CNTNAP2: variants seen among roughly 807,000 people sequenced by gnomAD.
CNTNAP2 encodes the protein contactin associated protein 2.
In CNTNAP2, 98 loss-of-function variants were observed where a neutral mutation model predicts 155.2. The ratio of observed to expected loss-of-function variants is 0.63; its 90% confidence interval spans 0.54 to 0.75. The LOEUF is 0.75. Ranked by LOEUF, CNTNAP2 falls within the 30% of genes least tolerant of loss-of-function variation. The probability of loss-of-function intolerance (pLI) is 0.00; values close to 1 mark genes in which losing one functional copy is unlikely to be tolerated. For missense variants in CNTNAP2, 1,727 were observed against 1,688.1 expected, an observed-to-expected ratio of 1.02 and a Z score of -0.40; for synonymous variants, 651 against 631.2, an observed-to-expected ratio of 1.03 and a Z score of -0.47.
chr7:148,078,333 C>T (rs967010158), intron 15 of CNTNAP2, among the ~76,000 whole-genome samples: 4 of 53,622 alleles, frequency 7.5e-5, no homozygotes, highest in Non-Finnish European at 1.0e-4. Flanking sequence ...CAAAGTTCTG[C>T]GATTACAGGC....
At chr7:148,234,263 T>A (rs190331094) in intron 20 of CNTNAP2, among the ~76,000 whole-genome samples, 6 of 152,308 alleles carry the variant, frequency 3.9e-5, no homozygotes, top group Admixed American at 1.3e-4. Context: ...GTACACAGGC[T>A]CTTAACCTTG....
At chr7:147,851,223 T>TA (rs1798933016) in intron 13 of CNTNAP2, among the ~76,000 whole-genome samples, 2 of 152,022 alleles carry the variant, frequency 1.3e-5, no homozygotes, top group Non-Finnish European at 1.5e-5. Context: ...CACAATGAGA[T>TA]ACCATCTCAC....
chr7:147,368,693 T>C (rs1308457238), intron 9 of CNTNAP2, among the ~76,000 whole-genome samples: 2 of 152,230 alleles, frequency 1.3e-5, no homozygotes, highest in Non-Finnish European at 2.9e-5. Flanking sequence ...AGGGCATGCA[T>C]GTATCAAGGG....
intron 13 of CNTNAP2, among the ~76,000 whole-genome samples, chr7:147,871,145 C>T (rs534452786): frequency 9.9e-5 from 15 of 152,216 alleles, no homozygotes; most frequent in African/African-American, 3.4e-4. Context: ...GTACATTTCA[C>T]TCATTTAATG....
At chr7:146,746,563 G>GA (rs1241746690) in intron 1 of CNTNAP2, among the ~76,000 whole-genome samples, 1 of 152,072 alleles carries the variant, frequency 6.6e-6, no homozygotes, top group East Asian at 1.9e-4. Context: ...TGGAAAATAT[G>GA]AAAATGAGTC....
intron 21 of CNTNAP2, among the ~76,000 whole-genome samples, chr7:148,296,672 T>C (rs1797292319): frequency 6.6e-6 from 1 of 151,694 alleles, no homozygotes; most frequent in Non-Finnish European, 1.5e-5. Flanking sequence ...TTAGGATGGA[T>C]CAGACACTAT....
intron 8 of CNTNAP2, among the ~76,000 whole-genome samples, chr7:147,234,068 T>C (rs1166120622): frequency 6.9e-6 from 1 of 144,484 alleles, no homozygotes; most frequent in East Asian, 2.0e-4. Flanking sequence ...CAAAAGAAAA[T>C]CTAATTGCTA....
Position 147,467,542 on chromosome 7 carries a change from G to A in CNTNAP2, c.1671-18393G>A, listed in dbSNP as rs569601982. On this transcript the variant is annotated intron_variant, in intron 10 of 23. Transcript: ENST00000361727. ...GATACTAGAGCCTCCAAAATGTTGC[G>A]GGGAGGAAGTATTGAAAGGTCACCT... Among the ~76,000 whole-genome samples, 40 of 152,240 alleles carry A rather than the reference G, an allele frequency of 2.6e-4. No homozygotes were observed. The South Asian group carries it at 5.4e-3, about 21-fold the overall frequency.
chr7:147,869,689 C>G (rs1799296298), intron 13 of CNTNAP2, among the ~76,000 whole-genome samples: 1 of 152,152 alleles, frequency 6.6e-6, no homozygotes, highest in African/African-American at 2.4e-5. Flanking sequence ...ATAAGTGTCC[C>G]TGAATAATGA....
intron 5 of CNTNAP2, among the ~76,000 whole-genome samples, chr7:147,114,192 A>G (rs1444959641): frequency 6.6e-6 from 1 of 152,088 alleles, no homozygotes; most frequent in Non-Finnish European, 1.5e-5. Flanking sequence ...TTATGATTTC[A>G]GTCCTTTTTC....
At chr7:147,830,663 G>C (rs918025531) in intron 13 of CNTNAP2, among the ~76,000 whole-genome samples, 4 of 152,196 alleles carry the variant, frequency 2.6e-5, no homozygotes, top group Non-Finnish European at 5.9e-5. Context: ...AGCATGGAAA[G>C]ACCATATAAT....
At chr7:146,748,630 CTT>C (rs1397921527) in intron 1 of CNTNAP2, among the ~76,000 whole-genome samples, 2 of 152,118 alleles carry the variant, frequency 1.3e-5, no homozygotes, top group East Asian at 3.9e-4. Flanking sequence ...GTAGTTTAGA[CTT>C]AATACGTTTT....
rs143155180 is a variant in CNTNAP2, at chr7:147,635,072, T to C, written c.1898-4034T>C. Among the ~76,000 whole-genome samples the C allele has an allele frequency of 7.9e-5, 12 of 152,192 alleles. No homozygotes were observed. The East Asian group carries it at 1.5e-3, about 20-fold the overall frequency. ...CCTTACACATTCAAATGTTATTTTC[T>C]CAGTGAAGCCTTTTGCAGCTTTTGC... On this transcript the variant is annotated intron_variant, in intron 12 of 23. Coordinates refer to ENST00000361727, the MANE Select transcript of CNTNAP2 (RefSeq NM_014141.6).
At chr7:147,771,140 C>T (rs926178607) in intron 13 of CNTNAP2, among the ~76,000 whole-genome samples, 2 of 152,076 alleles carry the variant, frequency 1.3e-5, no homozygotes, top group African/African-American at 2.4e-5. Context: ...TGAGATGAAT[C>T]GGTGTACATT....
chr7:147,594,690 A>T (rs553353199), intron 12 of CNTNAP2, among the ~76,000 whole-genome samples: 58 of 152,116 alleles, frequency 3.8e-4, no homozygotes, highest in Non-Finnish European at 4.9e-4. Flanking sequence ...TGAGCCTTAA[A>T]CTAGGCTTTT....
At position 148,383,976 on chromosome 7, in the gene CNTNAP2, C is replaced by G. The variant is rs1799133678; in HGVS notation, c.3715+88C>G. 6.6e-6 allele frequency: 10 copies of G among 1,514,800 alleles called. No homozygotes were observed. In the South Asian group the frequency reaches 9.5e-5, roughly 14 times the overall value. The allele number at this position is 1,514,800 out of a possible 1,614,324, so 93.8% of individuals were successfully genotyped here. On this transcript the variant is annotated intron_variant, in intron 22 of 23. Transcript: ENST00000361727. The stretch of plus-strand genomic sequence containing the variant: ...TATGGAATGGATTTAATAACAGAAC[C>G]TCACTGGTAATGTCATTGGAGGATT...
At chr7:147,752,524 G>C (rs12155395) in intron 13 of CNTNAP2, among the ~76,000 whole-genome samples, 132,761 of 152,162 alleles carry the variant, frequency 0.87, 60,060 homozygotes, top group Non-Finnish European at 0.99. Context: ...TGTGTGTACA[G>C]GAAGGGGCCT....
chr7:147,638,949 A>G, intron 12 of CNTNAP2, 157 bp from the exon 13 acceptor site: 1 of 775,980 alleles, frequency 1.3e-6, no homozygotes, highest in Non-Finnish European at 2.3e-6. Context: ...CTTAGGGATG[A>G]GCAAAGAGCA....
At chr7:146,801,299 A>G (rs1646854232) in intron 2 of CNTNAP2, among the ~76,000 whole-genome samples, 1 of 152,174 alleles carries the variant, frequency 6.6e-6, no homozygotes, top group South Asian at 2.1e-4. Context: ...ATCCACCCCC[A>G]TGATCCAAAC....
Sources: gnomAD v4.1 joint callset for allele counts (sites outside exome capture counted in the v4.1 genomes callset) on GRCh38, gnomAD v4.1.1 for gene constraint, MANE v1.5 for transcripts, NCBI Gene and HGNC (gene_info 2026-07-23, HGNC 2026-07-21) for gene names.